DIP2C: variants seen among roughly 807,000 people sequenced by gnomAD.
The protein encoded by DIP2C is disco-interacting protein 2 homolog C.
Under a neutral mutation model 192.4 loss-of-function variants are expected in DIP2C, and 33 were observed. The ratio of observed to expected loss-of-function variants is 0.17; its 90% CI spans 0.13 to 0.23. The LOEUF (loss-of-function observed/expected upper bound fraction) is 0.23, where lower values mean the gene tolerates loss of function less well. DIP2C is among the 10% of genes least tolerant of loss of function. DIP2C has a pLI of 1.00. For missense variants in DIP2C, 1,537 were observed against 2,110.1 expected, an observed-to-expected ratio of 0.73 and a Z score of 5.32; for synonymous variants, 979 against 864.1, an observed-to-expected ratio of 1.13 and a Z score of -2.33.
At chr10:415,956 C>CAG in intron 6 of DIP2C, 68 bp from the exon 7 acceptor site, 1 of 1,602,856 alleles carries the variant, frequency 6.2e-7, no homozygotes, top group Non-Finnish European at 8.5e-7. Context: ...CACAGTCCCA[C>CAG]AGTCCCACAG....
In DIP2C at chr10:463,519, T is replaced by C. The variant is rs1034585297; in HGVS notation, c.268+8920A>G. On this transcript the variant is annotated intron_variant, in intron 3 of 36. Transcript: ENST00000280886. ...GAAGACACAAACAAATGGAAAATCA[T>C]TCCATGCTCATGGATAGGAAGAATA... Among the ~76,000 whole-genome samples the C allele has an allele frequency of 3.3e-5, 5 of 152,204 alleles. No homozygotes were observed. The East Asian group carries it at 5.8e-4, about 18-fold the overall frequency.
intron 1 of DIP2C, among the ~76,000 whole-genome samples, chr10:599,764 G>A (rs1257723857): frequency 6.6e-6 from 1 of 152,218 alleles, no homozygotes; most frequent in Non-Finnish European, 1.5e-5. Flanking sequence ...GATTCCGGAT[G>A]TAAATGCGGT....
intron 1 of DIP2C, among the ~76,000 whole-genome samples, chr10:577,719 T>C (rs953346728): frequency 1.3e-5 from 2 of 152,192 alleles, no homozygotes; most frequent in Non-Finnish European, 2.9e-5. Flanking sequence ...CTAGTAATGA[T>C]GAAGACTCTG....
chr10:564,001 T>C (rs1197038863), intron 1 of DIP2C, among the ~76,000 whole-genome samples: 4 of 152,206 alleles, frequency 2.6e-5, no homozygotes, highest in African/African-American at 9.7e-5. Flanking sequence ...AATGGATCAA[T>C]TATTTGAGAG....
At chr10:387,625 G>C in intron 14 of DIP2C, 120 bp downstream of exon 14, 1 of 845,066 alleles carries the variant, frequency 1.2e-6, no homozygotes, top group Non-Finnish European at 2.0e-6. Flanking sequence ...TGGACAGACA[G>C]TGTGGGGAGG....
At chr10:471,382 C>A (rs546057472) in intron 3 of DIP2C, among the ~76,000 whole-genome samples, 1 of 152,148 alleles carries the variant, frequency 6.6e-6, no homozygotes, top group Non-Finnish European at 1.5e-5. Flanking sequence ...CATTACAGCA[C>A]GACTGACACT....
At chr10:553,295 A>T (rs535873208) in intron 1 of DIP2C, among the ~76,000 whole-genome samples, 1 of 152,318 alleles carries the variant, frequency 6.6e-6, no homozygotes, top group African/African-American at 2.4e-5. Context: ...GCCTCTGCAG[A>T]AATCAGCTGG....
chr10:638,379 A>G (rs1162562340), intron 1 of DIP2C, among the ~76,000 whole-genome samples: 1 of 152,220 alleles, frequency 6.6e-6, no homozygotes, highest in Non-Finnish European at 1.5e-5. Context: ...TGATCTCCTA[A>G]CTATAAAGTG....
intron 29 of DIP2C, among the ~76,000 whole-genome samples, chr10:330,599 TCTC>T (rs1957460663): frequency 2.0e-5 from 3 of 151,550 alleles, no homozygotes; most frequent in Admixed American, 6.6e-5. Flanking sequence ...CTCCAGCAAT[TCTC>T]CTGCCTCTCC....
intron 1 of DIP2C, among the ~76,000 whole-genome samples, chr10:534,431 T>C: frequency 6.6e-6 from 1 of 152,212 alleles, no homozygotes; most frequent in East Asian, 1.9e-4. Flanking sequence ...CTTCATCTTA[T>C]AGTGAAGAAA....
intron 1 of DIP2C, among the ~76,000 whole-genome samples, chr10:568,408 G>T (rs1009992161): frequency 6.6e-6 from 1 of 152,110 alleles, no homozygotes; most frequent in Non-Finnish European, 1.5e-5. Flanking sequence ...AAAAAGAAAC[G>T]AATCATCCAA....
intron 1 of DIP2C, among the ~76,000 whole-genome samples, chr10:523,456 CTA>C (rs1846851686): frequency 3.8e-5 from 5 of 130,272 alleles, no homozygotes; most frequent in South Asian, 2.5e-4. Flanking sequence ...ACACTCGTTT[CTA>C]CTGGATGCAA....
chr10:356,358 A>G (rs1429295967), intron 24 of DIP2C, 68 bp downstream of exon 24: 3 of 1,535,254 alleles, frequency 2.0e-6, no homozygotes, highest in East Asian at 2.2e-5. Context: ...AAGAAGCAGG[A>G]GCGCTCCCAG....
chr10:523,494 A>G lies in DIP2C; in HGVS notation c.86-36964T>C, dbSNP rs80113348. Among the ~76,000 whole-genome samples the G allele has an allele frequency of 4.6e-4, 62 of 133,712 alleles. 4 individuals carry two copies. The highest frequency in any genetic ancestry group is 5.3e-4 in the Non-Finnish European group (34 of 63,988). 87.7% of individuals were successfully genotyped at this position (133,712 alleles called of 152,430 possible). Reference sequence around the variant, plus strand: ...AGGACCCTGGAGTGAGGATGCAGGGACTCTGTGTCACCCACACACTCGTTT... The same window carrying G: ...AGGACCCTGGAGTGAGGATGCAGGGGCTCTGTGTCACCCACACACTCGTTT... On this transcript the variant is annotated intron_variant, in intron 1 of 36. Coordinates refer to ENST00000280886, the MANE Select transcript of DIP2C (RefSeq NM_014974.3).
intron 1 of DIP2C, among the ~76,000 whole-genome samples, chr10:568,999 G>C (rs1241760282): frequency 6.6e-6 from 1 of 152,084 alleles, no homozygotes; most frequent in Non-Finnish European, 1.5e-5. Context: ...GTAAATTCCA[G>C]CATGAGGGCA....
At chr10:567,346 C>T (rs1331489472) in intron 1 of DIP2C, among the ~76,000 whole-genome samples, 1 of 152,122 alleles carries the variant, frequency 6.6e-6, no homozygotes, top group African/African-American at 2.4e-5. Context: ...TGCATGCCAC[C>T]ACACCCAGCT....
intron 28 of DIP2C, among the ~76,000 whole-genome samples, chr10:343,544 T>C (rs1958265292): frequency 6.6e-6 from 1 of 152,244 alleles, no homozygotes; most frequent in Admixed American, 6.5e-5. Flanking sequence ...CAGGGGAACG[T>C]AGAATTATTA....
intron 6 of DIP2C, 39 bp from the exon 7 acceptor site, chr10:415,927 C>T (rs909453133): frequency 2.5e-6 from 4 of 1,612,472 alleles, no homozygotes; most frequent in Non-Finnish European, 2.5e-6. Context: ...AAGCGATCAT[C>T]ACAGCTTCAA....
chr10:608,911 A>C (rs375977949), intron 1 of DIP2C, among the ~76,000 whole-genome samples: 45 of 151,658 alleles, frequency 3.0e-4, no homozygotes, highest in African/African-American at 9.0e-4. Flanking sequence ...TTCTCATTAC[A>C]GTGATTTGAC....
Sources: gnomAD v4.1 joint callset for allele counts (sites outside exome capture counted in the v4.1 genomes callset) on GRCh38, gnomAD v4.1.1 for gene constraint, MANE v1.5 for transcripts, NCBI Gene and HGNC (gene_info 2026-07-23, HGNC 2026-07-21) for gene names.